KANSL3: variants seen among roughly 807,000 people sequenced by gnomAD.
KANSL3 encodes KAT8 regulatory NSL complex subunit 3.
Under a neutral mutation model 89.2 loss-of-function variants are expected in KANSL3, and 16 were observed. That is an observed-to-expected ratio of 0.18 (90% CI 0.12 to 0.27). KANSL3 has a LOEUF of 0.27. Among genes scored for constraint, KANSL3 ranks in the 10% least tolerant of loss-of-function variants. The pLI is 1.00. For synonymous variants in KANSL3, 385 were observed against 419.7 expected (o/e 0.92, Z 1.01); for missense variants, 879 against 1,110.6 (o/e 0.79, Z 2.96).
At chr2:96,633,342 G>A (rs374900206) in intron 2 of KANSL3, among the ~76,000 whole-genome samples, 122 of 152,228 alleles carry the variant, frequency 8.0e-4, no homozygotes, top group African/African-American at 2.7e-3. Flanking sequence ...GGCCAAGGCG[G>A]GTGGATCACC....
At chr2:96,619,638 A>T in intron 4 of KANSL3, 34 bp downstream of exon 4, 1 of 1,592,796 alleles carries the variant, frequency 6.3e-7, no homozygotes, top group Non-Finnish European at 8.6e-7. Context: ...TGAACTACGA[A>T]GAGCCCACTG....
chr2:96,637,324 G>A (rs760898688), intron 1 of KANSL3, 139 bp from the exon 2 acceptor site: 28 of 505,066 alleles, frequency 5.5e-5, no homozygotes, highest in Non-Finnish European at 8.0e-5. Context: ...TGGTGGGGAC[G>A]GTTCGTGGAA....
At chr2:96,634,881 T>A (rs937541032) in intron 2 of KANSL3, among the ~76,000 whole-genome samples, 3 of 152,216 alleles carry the variant, frequency 2.0e-5, no homozygotes, top group Non-Finnish European at 4.4e-5. Context: ...CCCTAACTCA[T>A]GGCACCACCC....
In KANSL3 at chr2:96,602,105, G is replaced by A. The variant is rs745892736; in HGVS notation, c.2482+11C>T. ...ATCTGGGAGTCCCCACAGTTCTCAT[G>A]AGAGACTCACCTGATGCTTGGTTAG... On this transcript the variant is annotated intron_variant, in intron 19 of 20. Transcript: ENST00000431828. The A allele has an allele frequency of 2.6e-6, 4 of 1,560,284 alleles. No individual in the cohort carries two copies. The highest frequency in any genetic ancestry group is 2.4e-5 in the East Asian group (1 of 41,874).
chr2:96,610,529 A>G (rs940190462), intron 11 of KANSL3, 197 bp downstream of exon 11: 1 of 489,634 alleles, frequency 2.0e-6, no homozygotes. Context: ...GTTAGCCAGG[A>G]TGGTCTCAAT....
At chr2:96,608,334 G>C (rs937011335) in intron 14 of KANSL3, among the ~76,000 whole-genome samples, 174 bp downstream of exon 14, 6 of 152,146 alleles carry the variant, frequency 3.9e-5, no homozygotes, top group Non-Finnish European at 8.8e-5. Flanking sequence ...TAACTCAGAG[G>C]CCTTGGCATT....
intron 20 of KANSL3, among the ~76,000 whole-genome samples, chr2:96,600,088 A>G (rs2066965608): frequency 1.3e-5 from 2 of 152,244 alleles, no homozygotes. Flanking sequence ...GGTGAAATAC[A>G]TCTTCATACA....
chr2:96,606,981 G>A (rs1210368330), intron 14 of KANSL3: 2 of 1,289,010 alleles, frequency 1.6e-6, no homozygotes, highest in Admixed American at 2.3e-5. Context: ...AAAGAGACAG[G>A]AGGAGGTGCC....
intron 5 of KANSL3, chr2:96,615,383 C>G (rs748873997): frequency 8.8e-5 from 34 of 387,706 alleles, no homozygotes; most frequent in Non-Finnish European, 1.5e-4. Flanking sequence ...AATATATATC[C>G]TGCTATACTA....
the KANSL3 span, among the ~76,000 whole-genome samples, chr2:96,580,691 T>C: frequency 6.6e-6 from 1 of 152,234 alleles, no homozygotes; most frequent in South Asian, 2.1e-4. Context: ...CTTTTATGCA[T>C]ATACATTATA....
At chr2:96,582,904 TG>T in the KANSL3 span, among the ~76,000 whole-genome samples, 1 of 152,246 alleles carries the variant, frequency 6.6e-6, no homozygotes, top group Non-Finnish European at 1.5e-5. Context: ...GCTGGACTGC[TG>T]GAAGTCTAAC....
chr2:96,627,929 G>A (rs1235268979), intron 3 of KANSL3: 1 of 1,289,734 alleles, frequency 7.8e-7, no homozygotes, highest in Non-Finnish European at 1.0e-6. Context: ...TACCAAAAGA[G>A]ATGGTGTGTA....
At position 96,637,118 on chromosome 2, in the gene KANSL3, C is replaced by T. The variant is rs766724087; in HGVS notation, c.18G>A (p.Gly6=). The change falls in exon 2 of 21, where the codon GGG becomes GGA. Residue 6 remains glycine (G), a synonymous_variant. Transcript: ENST00000431828. Reference sequence around the variant, plus strand: ...GAGCTGAAGTCTGGAAGTCCCTCTCCCCACCCCGGTGGGCCATGTCAGTGG... The same window carrying T: ...GAGCTGAAGTCTGGAAGTCCCTCTCTCCACCCCGGTGGGCCATGTCAGTGG... The part of the protein sequence containing the change: MAHRG[G]ERDFQTSARR... 2 of 1,551,508 alleles carry T rather than the reference C, an allele frequency of 1.3e-6. No individual in the cohort carries two copies. The highest frequency in any genetic ancestry group is 2.4e-5 in the South Asian group (2 of 84,048).
rs143753502 is a variant in KANSL3 at position 96,625,610 on chromosome 2, G to A, written c.386+5702C>T. Among the ~76,000 whole-genome samples the A allele has an allele frequency of 3.7e-3, 569 of 152,252 alleles. 2 individuals carry two copies. Among genetic ancestry groups the A allele is most frequent in the African/African-American group, 0.013 (526 of 41,538 alleles). ...AAATGATGTGAATGCAAGATGCAGA[G>A]GGTTAGAAAGCTATTTAGAAATTAT... On this transcript the variant is annotated intron_variant, in intron 3 of 20. Coordinates refer to ENST00000431828, the MANE Select transcript of KANSL3 (RefSeq NM_001115016.3).
downstream of KANSL3, among the ~76,000 whole-genome samples, chr2:96,589,860 TAA>T (rs1177734671): frequency 2.0e-5 from 3 of 151,770 alleles, no homozygotes; most frequent in Non-Finnish European, 2.9e-5. Context: ...AAATAAAAAA[TAA>T]AAGAGGCCAG....
At chr2:96,607,553 C>A (rs1194541708) in intron 14 of KANSL3, among the ~76,000 whole-genome samples, 2 of 152,206 alleles carry the variant, frequency 1.3e-5, no homozygotes, top group Non-Finnish European at 2.9e-5. Flanking sequence ...GCTCTGGCCA[C>A]CACTCATGAA....
rs1209638341 is a variant in KANSL3, at chr2:96,613,512, C to A, written c.771G>T (p.Val257=). Residue 257 remains valine (V), a synonymous_variant, in exon 6 of 21, where the codon GTG becomes GTT. Coordinates refer to ENST00000431828, the MANE Select transcript of KANSL3 (RefSeq NM_001115016.3). ...CTGGTTTGTTATGAGAAAGCACACC[C>A]ACAGCAGGGTCCCAGGGCCTCTTCA... is the stretch of plus-strand genomic sequence containing the variant. ...LLLKRPWDPA[V]GVLSHNKPSK... The A allele has an allele frequency of 1.2e-6, 2 of 1,613,410 alleles. No individual in the cohort carries two copies. The highest frequency in any genetic ancestry group is 2.2e-5 in the East Asian group (1 of 44,878).
intron 3 of KANSL3, among the ~76,000 whole-genome samples, chr2:96,621,514 G>GAA (rs766616219): frequency 7.3e-6 from 1 of 136,712 alleles, no homozygotes; most frequent in African/African-American, 2.7e-5. Context: ...ACTCTGTCTT[G>GAA]AAAAAAAAAA....
chr2:96,610,871 G>GA lies in KANSL3; in HGVS notation c.1173dup (p.Pro392SerfsTer23). On this transcript the variant is annotated frameshift_variant, in exon 11 of 21. Coordinates refer to ENST00000431828, the MANE Select transcript of KANSL3 (RefSeq NM_001115016.3). LOFTEE classifies it high-confidence loss of function. ...ACTGGAGTCTTCATATCCAAGAGGG[G>GA]ATCATCTACATCCTAAAACAGGTAT... is the stretch of plus-strand genomic sequence containing the variant. The GA allele has an allele frequency of 6.2e-7, 1 of 1,613,910 alleles. No homozygotes were observed. Among genetic ancestry groups the GA allele is most frequent in the Non-Finnish European group, 8.5e-7 (1 of 1,179,804 alleles).
Sources: gnomAD v4.1 joint callset for allele counts (sites outside exome capture counted in the v4.1 genomes callset) on GRCh38, gnomAD v4.1.1 for gene constraint, MANE v1.5 for transcripts, NCBI Gene and HGNC (gene_info 2026-07-23, HGNC 2026-07-21) for gene names.